The following NAV2 variants were observed in gnomAD, a reference collection of about 807,000 sequenced individuals.
NAV2 encodes the protein neuron navigator 2.
NAV2 carries 54 observed loss-of-function variants against 223.2 expected under a neutral mutation model. The ratio of observed to expected loss-of-function variants is 0.24; its 90% CI spans 0.19 to 0.30. The LOEUF is 0.30. NAV2 is among the 10% of genes least tolerant of loss of function. The probability of loss-of-function intolerance (pLI) is 1.00; values close to 1 mark genes in which losing one functional copy is unlikely to be tolerated. For missense variants in NAV2, 2,806 were observed against 3,147.5 expected, an observed-to-expected ratio of 0.89 and a Z score of 2.60; for synonymous variants, 1,279 against 1,239.3, an observed-to-expected ratio of 1.03 and a Z score of -0.67.
rs771502492 is a variant in NAV2, at chr11:20,118,393, G to A, written c.*135G>A. The A allele has an allele frequency of 2.5e-5, 27 of 1,059,980 alleles. No individual in the cohort carries two copies. Among genetic ancestry groups the A allele is most frequent in the East Asian group, 1.7e-4 (7 of 41,566 alleles). The allele number at this position is 1,059,980 out of a possible 1,614,324, so 65.7% of individuals were successfully genotyped here. On this transcript the variant is annotated 3_prime_UTR_variant, in exon 38 of 38. Transcript: ENST00000349880. ...AGCTGCGGGAACACCGAGACCCCCC[G>A]TCCTTCAGCCTCGACCTGGGTGCAG...
At chr11:19,548,882 A>C in intron 1 of NAV2, among the ~76,000 whole-genome samples, 1 of 151,564 alleles carries the variant, frequency 6.6e-6, no homozygotes, top group Non-Finnish European at 1.5e-5. Context: ...GTCTCAAAAA[A>C]AAAAAAAAAA....
At position 20,054,147 on chromosome 11, in the gene NAV2, G is replaced by A; in HGVS notation, c.4549G>A (p.Gly1517Arg). The A allele has an allele frequency of 6.2e-7, 1 of 1,613,792 alleles. No homozygotes were observed. The highest frequency in any genetic ancestry group is 1.1e-5 in the South Asian group (1 of 91,004). ...AGAATGGTTACGGTCCCATTCTGCA[G>A]GAGGCCTTCAGGACACCGCTGCCAA... is the stretch of plus-strand genomic sequence containing the variant. ...AKEWLRSHSA[G>R]GLQDTAANSP... Residue 1517 changes from glycine (G) to arginine (R), a missense_variant, in exon 18 of 38, where the codon GGA becomes AGA. This residue lies in a region of NAV2 where 742 missense variants were observed against 777.9 expected (regional missense o/e 0.95). Coordinates refer to ENST00000349880, the MANE Select transcript of NAV2 (RefSeq NM_145117.5).
rs1407154505 is a variant in NAV2 at position 20,023,799 on chromosome 11, T to TG, written c.2769-12159dup. Among the ~76,000 whole-genome samples the TG allele has an allele frequency of 4.0e-5, 6 of 151,898 alleles. No homozygotes were observed. In the East Asian group the frequency reaches 1.2e-3, roughly 29 times the overall value. ...CATAAGGACTTTTCTTGCTACCTTA[T>TG]GACCTATAGAGCTGCCCAGGGAAGC... On this transcript the variant is annotated intron_variant, in intron 11 of 37. Coordinates refer to ENST00000349880, the MANE Select transcript of NAV2 (RefSeq NM_145117.5).
chr11:19,784,099 G>T (rs1404543146), intron 1 of NAV2, among the ~76,000 whole-genome samples: 4 of 152,020 alleles, frequency 2.6e-5, no homozygotes, highest in African/African-American at 9.7e-5. Context: ...GTTAAGAGGG[G>T]CTTTATTGGC....
At chr11:20,023,210 T>C in intron 11 of NAV2, 1 of 1,354,868 alleles carries the variant, frequency 7.4e-7, no homozygotes, top group Non-Finnish European at 1.0e-6. Context: ...TTGGCCGGTA[T>C]TGAAAAGCCT....
intron 20 of NAV2, among the ~76,000 whole-genome samples, chr11:20,064,826 A>G (rs936785954): frequency 7.2e-5 from 11 of 152,214 alleles, no homozygotes; most frequent in Non-Finnish European, 1.5e-4. Context: ...AGGTGTAATC[A>G]TAGCGTTCTT....
intron 1 of NAV2, chr11:19,505,942 A>G (rs2043111293): frequency 6.6e-6 from 1 of 152,234 alleles, no homozygotes; most frequent in South Asian, 2.1e-4. Flanking sequence ...CTTGATGGCT[A>G]TTATGTCACA....
At chr11:19,959,528 G>A (rs1033285955) in intron 10 of NAV2, among the ~76,000 whole-genome samples, 1 of 152,214 alleles carries the variant, frequency 6.6e-6, no homozygotes, top group African/African-American at 2.4e-5. Flanking sequence ...GGTGACAATT[G>A]AATGAGGTGA....
chr11:19,607,102 C>G (rs963125308), intron 1 of NAV2, among the ~76,000 whole-genome samples: 2 of 152,220 alleles, frequency 1.3e-5, no homozygotes, highest in Non-Finnish European at 2.9e-5. Flanking sequence ...GGTAACCACA[C>G]TGGTTACAGG....
intron 1 of NAV2, among the ~76,000 whole-genome samples, chr11:19,467,808 G>T (rs1852422426): frequency 6.6e-6 from 1 of 152,222 alleles, no homozygotes; most frequent in African/African-American, 2.4e-5. Context: ...CAGAAGATCT[G>T]GCCTGGTCCT....
At chr11:19,865,008 C>T (rs1323420892) in intron 3 of NAV2, among the ~76,000 whole-genome samples, 2 of 152,204 alleles carry the variant, frequency 1.3e-5, no homozygotes, top group Non-Finnish European at 2.9e-5. Context: ...TAGCTTCTCA[C>T]CCAGTCCCCA....
chr11:19,747,137 T>C (rs12576986), intron 1 of NAV2, among the ~76,000 whole-genome samples: 52,554 of 133,248 alleles, frequency 0.39, 11,132 homozygotes, highest in East Asian at 0.55. Flanking sequence ...AGTGAGAACA[T>C]GCGGTATTTG....
rs562353594 is a variant in NAV2 at position 20,089,121 on chromosome 11, GC to G, written c.5499-1741del. Among the ~76,000 whole-genome samples, 31 of 152,176 alleles carry G rather than the reference GC, an allele frequency of 2.0e-4. 1 individual carries two copies. In the South Asian group the frequency reaches 6.0e-3, roughly 30 times the overall value. ...CAAATTCTAAAGACATTTCTGTCTC[GC>G]CCTTTTAGTCCTGAATCTATTGGCT... On this transcript the variant is annotated intron_variant, in intron 26 of 37. Transcript: ENST00000349880.
Position 20,045,568 on chromosome 11 carries a change from C to T in NAV2, c.3800C>T (p.Ser1267Leu), listed in dbSNP as rs1564918812. The T allele has an allele frequency of 1.9e-6, 3 of 1,614,142 alleles. No individual in the cohort carries two copies. The highest frequency in any genetic ancestry group is 2.2e-5 in the East Asian group (1 of 44,880). Residue 1267 changes from serine to leucine, a missense_variant, in exon 14 of 38, where the codon TCG (serine) becomes TTG (leucine). Coordinates refer to ENST00000349880, the MANE Select transcript of NAV2 (RefSeq NM_145117.5). ...SDNESVASCN[S>L]VKVNPAAQPV... is the part of the protein sequence containing the mutation. ...AACGAGAGTGTGGCTTCCTGTAACT[C>T]GGTGAAAGTGAATCCGGCAGCCCAG...
chr11:19,795,378 T>C lies in NAV2; in HGVS notation c.268-37106T>C, dbSNP rs180880055. On this transcript the variant is annotated intron_variant, in intron 1 of 37. Transcript: ENST00000349880. ...TTTTGCCATATTTGCCTACCACTTATGTCCCTTATTTACTTGTTTCCTTCA... is the reference window on the plus strand; with the variant it reads ...TTTTGCCATATTTGCCTACCACTTACGTCCCTTATTTACTTGTTTCCTTCA... 2.2e-3 allele frequency among the ~76,000 whole-genome samples: 336 copies of C among 152,350 alleles called. 2 individuals carry two copies. Among genetic ancestry groups the C allele is most frequent in the African/African-American group, 7.6e-3 (315 of 41,568 alleles).
intron 1 of NAV2, among the ~76,000 whole-genome samples, chr11:19,807,611 T>G (rs1280527190): frequency 6.6e-6 from 1 of 152,184 alleles, no homozygotes; most frequent in Non-Finnish European, 1.5e-5. Context: ...TCTCTCCCTC[T>G]AGATTCTCAG....
rs2063321754 is a variant in NAV2 at position 20,118,639 on chromosome 11, C to G, written c.*381C>G. 1 of 174,744 alleles carries G rather than the reference C, an allele frequency of 5.7e-6. No homozygotes were observed. The highest frequency in any genetic ancestry group is 2.4e-5 in the African/African-American group (1 of 41,668). The allele number at this position is 174,744 out of a possible 1,614,324, so 10.8% of individuals were successfully genotyped here. ...GCTCTGAAACCAAACAGCATCCTGC[C>G]ATGAGCTTCCCAGAGACAGAAGAGA... On this transcript the variant is annotated 3_prime_UTR_variant, in exon 38 of 38. Coordinates refer to ENST00000349880, the MANE Select transcript of NAV2 (RefSeq NM_145117.5).
chr11:19,587,087 C>A (rs2045924975), intron 1 of NAV2, among the ~76,000 whole-genome samples: 1 of 152,202 alleles, frequency 6.6e-6, no homozygotes, highest in Non-Finnish European at 1.5e-5. Flanking sequence ...GTGGACACCC[C>A]TCCCCCAGCC....
At chr11:19,667,399 G>A (rs542145809) in intron 1 of NAV2, among the ~76,000 whole-genome samples, 1 of 152,306 alleles carries the variant, frequency 6.6e-6, no homozygotes, top group East Asian at 1.9e-4. Flanking sequence ...GGGCACAGGT[G>A]GAAGGTTGGC....
Sources: allele counts gnomAD v4.1 joint callset (sites outside exome capture counted in the v4.1 genomes callset), GRCh38; gene constraint gnomAD v4.1.1; regional missense constraint gnomAD v4.1.1; transcripts MANE v1.5; gene names NCBI Gene and HGNC (gene_info 2026-07-23, HGNC 2026-07-21).